Variants in CRYBG3 observed in about 807,000 individuals in gnomAD.
The protein encoded by CRYBG3 is crystallin beta-gamma domain containing 3.
In CRYBG3, 127 loss-of-function variants were observed where a neutral mutation model predicts 244.2. That is an observed-to-expected ratio of 0.52 (90% CI 0.45 to 0.60). The LOEUF is 0.60. Ranked by LOEUF, CRYBG3 falls within the 20% of genes least tolerant of loss-of-function variation. The probability of loss-of-function intolerance (pLI) is 0.00; values close to 1 mark genes in which losing one functional copy is unlikely to be tolerated. For synonymous variants in CRYBG3, 1,132 were observed against 1,195.8 expected (o/e 0.95, Z 1.10); for missense variants, 3,325 against 3,442.5 (o/e 0.97, Z 0.85).
At chr3:97,923,420 A>G (rs772583545) in intron 17 of CRYBG3, among the ~76,000 whole-genome samples, 2 of 152,130 alleles carry the variant, frequency 1.3e-5, no homozygotes, top group Non-Finnish European at 2.9e-5. Context: ...GGTATTAACT[A>G]TTATGCACAT....
In CRYBG3 at chr3:97,864,606, T is replaced by C. The variant is rs1171679807; in HGVS notation, c.606T>C (p.Asp202=). The C allele has an allele frequency of 3.3e-6, 5 of 1,535,706 alleles. No homozygotes were observed. Among genetic ancestry groups the C allele is most frequent in the Admixed American group, 3.9e-5 (2 of 50,972 alleles). The change falls in exon 3 of 22, where the codon GAT becomes GAC. Residue 202 remains aspartate (D), a synonymous_variant. Transcript: ENST00000389622. The part of the protein sequence containing the change: ...SSELSDAFSL[D]TTQDSDQETT... ...AACTCTCAGATGCTTTTTCTTTGGA[T>C]ACAACACAAGACAGTGACCAAGAAA...
At chr3:97,822,486 C>G in intron 1 of CRYBG3, 131 bp downstream of exon 1, 1 of 843,076 alleles carries the variant, frequency 1.2e-6, no homozygotes, top group Non-Finnish European at 1.7e-6. Context: ...TGTTCTCCTT[C>G]CTCCATTGCT....
intron 4 of CRYBG3, among the ~76,000 whole-genome samples, chr3:97,879,164 G>C (rs746324654): frequency 6.6e-6 from 1 of 152,148 alleles, no homozygotes; most frequent in Non-Finnish European, 1.5e-5. Flanking sequence ...AGGCTCCCAA[G>C]TTCTGTTTTG....
In CRYBG3 at chr3:97,943,216, TC is replaced by T; in HGVS notation, c.8825-9del. ...ACAAATAATCTTTTCTTTTGGAATT[TC>T]TATTTTAGGAGGAAATTATTGTGAC... On this transcript the variant is annotated splice_polypyrimidine_tract_variant and intron_variant, in intron 21 of 21. Coordinates refer to ENST00000389622, the MANE Select transcript of CRYBG3 (RefSeq NM_153605.4). The T allele has an allele frequency of 6.7e-7, 1 of 1,499,912 alleles. No homozygotes were observed. Among genetic ancestry groups the T allele is most frequent in the Non-Finnish European group, 9.2e-7 (1 of 1,088,094 alleles). The allele number at this position is 1,499,912 out of a possible 1,614,324, so 92.9% of individuals were successfully genotyped here. A position where few individuals can be genotyped will look rare whatever the true frequency, so the allele number is the denominator to read the frequency against.
intron 17 of CRYBG3, among the ~76,000 whole-genome samples, chr3:97,918,339 C>T (rs750892869): frequency 2.2e-4 from 33 of 152,334 alleles, no homozygotes; most frequent in Middle Eastern, 6.8e-3. Flanking sequence ...GGGGCATTGA[C>T]ACATAGTTTG....
intron 2 of CRYBG3, among the ~76,000 whole-genome samples, chr3:97,845,408 A>T (rs376013696): frequency 9.2e-5 from 14 of 152,336 alleles, no homozygotes; most frequent in African/African-American, 3.4e-4. Flanking sequence ...CTTACATGCT[A>T]CACAAATTTT....
At chr3:97,935,542 G>A (rs966091309) in intron 18 of CRYBG3, among the ~76,000 whole-genome samples, 1 of 152,054 alleles carries the variant, frequency 6.6e-6, no homozygotes, top group African/African-American at 2.4e-5. Flanking sequence ...TTTCATAGCT[G>A]TAATACATCA....
In CRYBG3 at chr3:97,874,252, T is replaced by C; in HGVS notation, c.3058T>C (p.Ser1020Pro). The C allele has an allele frequency of 6.5e-7, 1 of 1,535,168 alleles. No individual in the cohort carries two copies. The highest frequency in any genetic ancestry group is 8.7e-7 in the Non-Finnish European group (1 of 1,146,670). The change falls in exon 4 of 22, where the codon TCT becomes CCT. Residue 1020 changes from serine to proline, a missense_variant. By Grantham distance (74) the Ser-to-Pro change is moderately conservative. Around this residue, in one of 4 missense-constraint regions of CRYBG3, gnomAD observed 1,526 missense variants for 1,443.2 expected, o/e 1.06. Transcript: ENST00000389622. ...TTCTGATTCCAGTTTGGAAAAAAATTCTTCTGCATCTGAGGACTCAAGCTT... is the reference window on the plus strand; with the variant it reads ...TTCTGATTCCAGTTTGGAAAAAAATCCTTCTGCATCTGAGGACTCAAGCTT... The part of the protein sequence containing the change: ...LDSDSSLEKN[S>P]SASEDSSFLK...
chr3:97,868,054 C>T (rs2039256408), intron 3 of CRYBG3, among the ~76,000 whole-genome samples: 4 of 152,006 alleles, frequency 2.6e-5, no homozygotes, highest in Admixed American at 1.3e-4. Flanking sequence ...GAGGCCGAGG[C>T]GGGCGGATCA....
At position 97,943,363 on chromosome 3, in the gene CRYBG3, C is replaced by T. The variant is rs571150352; in HGVS notation, c.*49C>T. 5.3e-5 allele frequency: 56 copies of T among 1,047,218 alleles called. No homozygotes were observed. In the South Asian group the frequency reaches 6.9e-4, roughly 13 times the overall value. The allele number at this position is 1,047,218 out of a possible 1,614,324, so 64.9% of individuals were successfully genotyped here. A position where few individuals can be genotyped will look rare whatever the true frequency, so the allele number is the denominator to read the frequency against. ...TCCCTAGAAAGAGCAAAGAAGGAAACACATCTGTCATTGTCTTGTGGACGT... is the reference window on the plus strand; with the variant it reads ...TCCCTAGAAAGAGCAAAGAAGGAAATACATCTGTCATTGTCTTGTGGACGT... On this transcript the variant is annotated 3_prime_UTR_variant, in exon 22 of 22. Coordinates refer to ENST00000389622, the MANE Select transcript of CRYBG3 (RefSeq NM_153605.4).
Position 97,877,873 on chromosome 3 carries a change from T to C in CRYBG3, c.6679T>C (p.Ser2227Pro), listed in dbSNP as rs777497838. 5 of 1,613,988 alleles carry C rather than the reference T, an allele frequency of 3.1e-6. No homozygotes were observed. Among genetic ancestry groups the C allele is most frequent in the Non-Finnish European group, 4.2e-6 (5 of 1,180,020 alleles). Residue 2227 changes from serine to proline, a missense_variant, in exon 4 of 22, where the codon TCT becomes CCT. Physicochemically the swap from Ser to Pro is moderately conservative, Grantham distance 74 (BLOSUM62 -1). Transcript: ENST00000389622. Reference protein sequence around the residue: ...TSFLQKSDLTSKLHSSLKSAY... With the variant: ...TSFLQKSDLTPKLHSSLKSAY... ...GTTTCTCCAGAAATCTGACCTTACTTCTAAACTACATTCTTCTTTAAAGAG... is the reference window on the plus strand; with the variant it reads ...GTTTCTCCAGAAATCTGACCTTACTCCTAAACTACATTCTTCTTTAAAGAG...
intron 17 of CRYBG3, among the ~76,000 whole-genome samples, chr3:97,922,087 C>T (rs2039990888): frequency 6.6e-6 from 1 of 152,084 alleles, no homozygotes; most frequent in Non-Finnish European, 1.5e-5. Context: ...TAGAAGGATA[C>T]TGAATAAGAG....
chr3:97,854,536 T>C (rs1264233072), intron 2 of CRYBG3, among the ~76,000 whole-genome samples: 2 of 152,132 alleles, frequency 1.3e-5, no homozygotes, highest in South Asian at 2.1e-4. Context: ...CAGCAGTGTT[T>C]TGTAGTTTTC....
Position 97,873,697 on chromosome 3 carries a change from A to T in CRYBG3, c.2503A>T (p.Thr835Ser). 1 of 1,535,906 alleles carries T rather than the reference A, an allele frequency of 6.5e-7. No homozygotes were observed. The highest frequency in any genetic ancestry group is 8.7e-7 in the Non-Finnish European group (1 of 1,146,824). Residue 835 changes from threonine (T) to serine (S), a missense_variant, in exon 4 of 22, where the codon ACT becomes TCT. Physicochemically the swap from Thr to Ser is moderately conservative, Grantham distance 58. Transcript: ENST00000389622. ...LVESHSGRGK[T>S]ISLSKVSLSK... Reference sequence around the variant, plus strand: ...GGAGTCACATTCTGGAAGAGGAAAAACTATATCCTTGTCCAAGGTATCTCT... The same window carrying T: ...GGAGTCACATTCTGGAAGAGGAAAATCTATATCCTTGTCCAAGGTATCTCT...
Position 97,879,999 on chromosome 3 carries a change from T to G in CRYBG3, c.6903T>G (p.Asp2301Glu). 1 of 1,543,934 alleles carries G rather than the reference T, an allele frequency of 6.5e-7. No individual in the cohort carries two copies. The highest frequency in any genetic ancestry group is 8.9e-7 in the Non-Finnish European group (1 of 1,122,036). The change falls in exon 6 of 22, where the codon GAT becomes GAG. Residue 2301 changes from aspartate to glutamate, a missense_variant. Asp to Glu is a conservative substitution (Grantham distance 45). Coordinates refer to ENST00000389622, the MANE Select transcript of CRYBG3 (RefSeq NM_153605.4). Reference sequence around the variant, plus strand: ...CTGTGTTGCAGATGGTTATCTATGATCTCCATGAAAGTACATATAAACAAG... The same window carrying G: ...CTGTGTTGCAGATGGTTATCTATGAGCTCCATGAAAGTACATATAAACAAG... ...NPRPGKMVIY[D>E]LHESTYKQEV...
At chr3:97,909,989 C>G (rs2039845272) in intron 15 of CRYBG3, among the ~76,000 whole-genome samples, 1 of 151,350 alleles carries the variant, frequency 6.6e-6, no homozygotes, top group African/African-American at 2.4e-5. Context: ...AGCTGCAGGT[C>G]TGTTGGAATA....
chr3:97,856,698 G>A (rs2039070395), intron 2 of CRYBG3, among the ~76,000 whole-genome samples: 1 of 151,786 alleles, frequency 6.6e-6, no homozygotes, highest in African/African-American at 2.4e-5. Flanking sequence ...TTTGTTTGTT[G>A]GTGTATCATT....
chr3:97,823,557 A>G (rs867399008), intron 1 of CRYBG3, among the ~76,000 whole-genome samples: 1 of 152,222 alleles, frequency 6.6e-6, no homozygotes, highest in Non-Finnish European at 1.5e-5. Flanking sequence ...CGTTTCAGCT[A>G]TTATTGCTCT....
At position 97,873,328 on chromosome 3, in the gene CRYBG3, G is replaced by T; in HGVS notation, c.2134G>T (p.Ala712Ser). The T allele has an allele frequency of 2.0e-6, 3 of 1,535,844 alleles. No individual in the cohort carries two copies. The highest frequency in any genetic ancestry group is 2.6e-6 in the Non-Finnish European group (3 of 1,146,786). Residue 712 changes from alanine to serine, a missense_variant, in exon 4 of 22, where the codon GCA (alanine) becomes TCA (serine). By Grantham distance (99) the Ala-to-Ser change is moderately conservative. Around this residue, in one of 4 missense-constraint regions of CRYBG3, gnomAD observed 1,526 missense variants for 1,443.2 expected, o/e 1.06. Coordinates refer to ENST00000389622, the MANE Select transcript of CRYBG3 (RefSeq NM_153605.4). The stretch of plus-strand genomic sequence containing the variant: ...AAATGTGAAAAACCATGTTGAGGCT[G>T]CAGGCAGGAAGAGTCCTCCTCCTTC... ...EENVKNHVEA[A>S]GRKSPPPSFC... is the part of the protein sequence containing the mutation.
Sources: gnomAD v4.1 joint callset for allele counts (sites outside exome capture counted in the v4.1 genomes callset) on GRCh38, gnomAD v4.1.1 for gene constraint, gnomAD v4.1.1 regional missense constraint, MANE v1.5 for transcripts, NCBI Gene and HGNC (gene_info 2026-07-23, HGNC 2026-07-21) for gene names.